The following COLGALT2 variants were observed in gnomAD, a reference collection of about 807,000 sequenced individuals.
The protein encoded by COLGALT2 is procollagen galactosyltransferase 2.
A neutral mutation model predicts 73.4 loss-of-function variants in COLGALT2; 49 were observed. The observed-to-expected ratio is 0.67, with a 90% CI of 0.53 to 0.85. The LOEUF (loss-of-function observed/expected upper bound fraction) is 0.85, where lower values mean the gene tolerates loss of function less well. Among genes scored for constraint, COLGALT2 ranks in the 40% least tolerant of loss-of-function variants. The pLI is 0.00. For missense variants in COLGALT2, 722 were observed against 790.2 expected (o/e 0.91, Z 1.03); for synonymous variants, 295 against 307.6 (o/e 0.96, Z 0.43).
intron 1 of COLGALT2, among the ~76,000 whole-genome samples, chr1:184,018,697 G>T (rs1359873573): frequency 6.6e-6 from 1 of 152,086 alleles, no homozygotes; most frequent in Non-Finnish European, 1.5e-5. Context: ...AAATATCTAA[G>T]TGAGAAAGCA....
intron 1 of COLGALT2, among the ~76,000 whole-genome samples, chr1:183,990,599 C>T (rs563463163): frequency 3.9e-5 from 6 of 152,200 alleles, no homozygotes; most frequent in African/African-American, 1.2e-4. Flanking sequence ...GGAAGGGCCA[C>T]GAGAGGCTTC....
In COLGALT2 at chr1:183,964,038, G is replaced by C; in HGVS notation, c.833-18C>G. On this transcript the variant is annotated intron_variant, in intron 5 of 11. Coordinates refer to ENST00000361927, the MANE Select transcript of COLGALT2 (RefSeq NM_015101.4). ...CTGGATGCCTGAGGATCCAAGAGAG[G>C]GACAAAGCCAACAATCAGAAAACAT... The C allele has an allele frequency of 6.2e-7, 1 of 1,611,350 alleles. No individual in the cohort carries two copies. The highest frequency in any genetic ancestry group is 8.5e-7 in the Non-Finnish European group (1 of 1,178,706).
In COLGALT2 at chr1:184,037,323, G is replaced by A. The variant is rs1649722907; in HGVS notation, c.35C>T (p.Ser12Leu). 2.0e-6 allele frequency: 3 copies of A among 1,508,104 alleles called. No individual in the cohort carries two copies. The highest frequency in any genetic ancestry group is 2.9e-5 in the African/African-American group (2 of 69,736). The allele number at this position is 1,508,104 out of a possible 1,614,324, so 93.4% of individuals were successfully genotyped here. A position where few individuals can be genotyped will look rare whatever the true frequency, so the allele number is the denominator to read the frequency against. ...AARPAATLAW[S>L]LLLLSSALLR... ...CAGGGCTGAGGAGAGGAGCAGTAGC[G>A]ACCAGGCGAGGGTGGCAGCAGGGCG... is the stretch of plus-strand genomic sequence containing the variant. The change falls in exon 1 of 12, where the codon TCG (serine) becomes TTG (leucine). Residue 12 changes from serine (S) to leucine (L), a missense_variant. Transcript: ENST00000361927.
At chr1:183,964,054 CAG>C in intron 5 of COLGALT2, 34 bp from the exon 6 acceptor site, 1 of 1,609,890 alleles carries the variant, frequency 6.2e-7, no homozygotes, top group Non-Finnish European at 8.5e-7. Flanking sequence ...AGCCAACAAT[CAG>C]AAAACATACT....
chr1:184,025,784 A>G (rs1258102770), intron 1 of COLGALT2, among the ~76,000 whole-genome samples: 3 of 152,182 alleles, frequency 2.0e-5, no homozygotes, highest in Non-Finnish European at 4.4e-5. Flanking sequence ...AGCTTCCTAG[A>G]AAAGGATTTT....
Position 183,936,537 on chromosome 1 carries a change from C to T in COLGALT2, c.*2224G>A. The T allele has an allele frequency of 1.9e-6, 2 of 1,058,730 alleles. No individual in the cohort carries two copies. Among genetic ancestry groups the T allele is most frequent in the African/African-American group, 3.3e-5 (2 of 60,296 alleles). 65.6% of individuals were successfully genotyped at this position (1,058,730 alleles called of 1,614,324 possible). On this transcript the variant is annotated 3_prime_UTR_variant, in exon 12 of 12. Transcript: ENST00000361927. ...ACAGGGGAACAGGAAAAAAAAAATT[C>T]TCTATTAAACAAAACACCACAAAAA...
chr1:184,029,016 A>G (rs1649420293), intron 1 of COLGALT2, among the ~76,000 whole-genome samples: 1 of 152,224 alleles, frequency 6.6e-6, no homozygotes, highest in Admixed American at 6.5e-5. Context: ...TATTATTCAA[A>G]GTCTAACTCT....
In COLGALT2 at chr1:183,940,631, C is replaced by A; in HGVS notation, c.1554G>T (p.Lys518Asn). 1 of 1,614,232 alleles carries A rather than the reference C, an allele frequency of 6.2e-7. No homozygotes were observed. Among genetic ancestry groups the A allele is most frequent in the Non-Finnish European group, 8.5e-7 (1 of 1,180,044 alleles). The change falls in exon 11 of 12, where the codon AAG (lysine) becomes AAT (asparagine). Residue 518 changes from lysine to asparagine, a missense_variant. Coordinates refer to ENST00000361927, the MANE Select transcript of COLGALT2 (RefSeq NM_015101.4). Reference protein sequence around the residue: ...QKLVGANPFGKMLPVDEFLPV... With the variant: ...QKLVGANPFGNMLPVDEFLPV... ...GCAGAAACTCATCCACTGGCAGCAT[C>A]TTCCCAAAAGGATTGGCTCCAACCA...
At chr1:184,037,026 G>C in intron 1 of COLGALT2, 69 bp downstream of exon 1, 4 of 1,270,002 alleles carry the variant, frequency 3.1e-6, no homozygotes, top group Non-Finnish European at 4.0e-6. Context: ...TGCTGCTCCG[G>C]GCGCTGTCCG....
rs1181851711 is a variant in COLGALT2 at position 184,037,152 on chromosome 1, G to T, written c.206C>A (p.Pro69Gln). The change falls in exon 1 of 12, where the codon CCG becomes CAG. Residue 69 changes from proline to glutamine, a missense_variant. Physicochemically the swap from Pro to Gln is moderately conservative, Grantham distance 76. Transcript: ENST00000361927. ...VLARNAAHTL[P>Q]HFLGCLERLD... is the part of the protein sequence containing the mutation. ...CCGCTCCAGGCAGCCGAGGAAGTGC[G>T]GCAGCGTGTGCGCCGCGTTGCGGGC... 2.5e-6 allele frequency: 4 copies of T among 1,600,392 alleles called. No homozygotes were observed. The highest frequency in any genetic ancestry group is 1.4e-5 in the African/African-American group (1 of 73,474).
intron 10 of COLGALT2, among the ~76,000 whole-genome samples, chr1:183,942,517 T>C (rs1227124493): frequency 6.6e-6 from 1 of 152,242 alleles, no homozygotes; most frequent in Non-Finnish European, 1.5e-5. Context: ...GTGGCTTGCA[T>C]TATATTTCTA....
At chr1:183,945,223 G>A (rs545312613) in intron 9 of COLGALT2, among the ~76,000 whole-genome samples, 15 of 152,198 alleles carry the variant, frequency 9.9e-5, no homozygotes, top group South Asian at 6.2e-4. Flanking sequence ...TGTCTCCCCC[G>A]TCACCACCCC....
At chr1:184,005,067 G>A (rs1302359777) in intron 1 of COLGALT2, among the ~76,000 whole-genome samples, 1 of 152,224 alleles carries the variant, frequency 6.6e-6, no homozygotes, top group African/African-American at 2.4e-5. Context: ...TGGAATGCTG[G>A]CTGAGGGCTC....
chr1:184,034,737 C>A (rs933574496), intron 1 of COLGALT2, among the ~76,000 whole-genome samples: 1 of 152,138 alleles, frequency 6.6e-6, no homozygotes, highest in Non-Finnish European at 1.5e-5. Context: ...CTTAGAAGAA[C>A]CACGAGCTCT....
At chr1:183,955,202 C>A (rs1165703009) in intron 6 of COLGALT2, among the ~76,000 whole-genome samples, 2 of 152,110 alleles carry the variant, frequency 1.3e-5, no homozygotes, top group African/African-American at 4.8e-5. Context: ...TCTTTAAGCT[C>A]ATTTCTTTGG....
chr1:183,953,035 A>T (rs1002577122), intron 7 of COLGALT2, among the ~76,000 whole-genome samples: 6 of 152,200 alleles, frequency 3.9e-5, no homozygotes, highest in Non-Finnish European at 8.8e-5. Context: ...AAATCCAAAA[A>T]GGCCCCCAAA....
chr1:184,012,285 AAC>A (rs1405310512), intron 1 of COLGALT2, among the ~76,000 whole-genome samples: 1 of 152,218 alleles, frequency 6.6e-6, no homozygotes, highest in East Asian at 1.9e-4. Context: ...TAGTAATACA[AAC>A]ACAGAAAAGA....
downstream of COLGALT2, among the ~76,000 whole-genome samples, chr1:183,933,380 C>CA: frequency 6.6e-6 from 1 of 152,308 alleles, no homozygotes; most frequent in South Asian, 2.1e-4. Context: ...AGGCTTGCAC[C>CA]ACTCTGTCCC....
At chr1:183,943,371 A>AT (rs1378651856) in intron 10 of COLGALT2, among the ~76,000 whole-genome samples, 1 of 152,146 alleles carries the variant, frequency 6.6e-6, no homozygotes, top group Non-Finnish European at 1.5e-5. Context: ...GAGCAAACAC[A>AT]ATGCTTGGGA....
Sources: gnomAD v4.1 joint callset for allele counts (sites outside exome capture counted in the v4.1 genomes callset) on GRCh38, gnomAD v4.1.1 for gene constraint, MANE v1.5 for transcripts, NCBI Gene and HGNC (gene_info 2026-07-23, HGNC 2026-07-21) for gene names.